The following CTSL variants were observed in gnomAD, a reference collection of about 807,000 sequenced individuals.
CTSL encodes cathepsin L.
CTSL carries 23 observed loss-of-function variants against 34.7 expected under a neutral mutation model. The ratio of observed to expected loss-of-function variants is 0.66; its 90% CI spans 0.48 to 0.94. CTSL has a LOEUF of 0.94. CTSL is among the 40% of genes least tolerant of loss of function. The pLI is 0.00. For missense variants in CTSL, 361 were observed against 406.3 expected, an observed-to-expected ratio of 0.89 and a Z score of 0.96; for synonymous variants, 129 against 136.7, an observed-to-expected ratio of 0.94 and a Z score of 0.39.
chr9:87,730,928 G>A lies in CTSL; in HGVS notation c.903-80G>A, dbSNP rs188760461. ...TGTTAAGTCTATGGCCTCTGGCACA[G>A]TGTTTAAGTTGGGTGTTCCTGTTAA... On this transcript the variant is annotated intron_variant, in intron 7 of 7. Coordinates refer to ENST00000343150, the MANE Select transcript of CTSL (RefSeq NM_001912.5). The A allele has an allele frequency of 2.4e-4, 269 of 1,112,286 alleles. 1 individual carries two copies. The Admixed American group carries it at 4.9e-3, about 20-fold the overall frequency. 68.9% of individuals were successfully genotyped at this position (1,112,286 alleles called of 1,614,324 possible). A position where few individuals can be genotyped will look rare whatever the true frequency, so the allele number is the denominator to read the frequency against.
In CTSL at chr9:87,731,027, A is replaced by G; in HGVS notation, c.922A>G (p.Met308Val). ...TTTCAGCTGGGGTGAAGAATGGGGC[A>G]TGGGTGGCTACGTAAAGATGGCCAA... ...VKNSWGEEWGMGGYVKMAKDR... is the reference protein window; with the variant it reads ...VKNSWGEEWGVGGYVKMAKDR... Residue 308 changes from methionine (M) to valine (V), a missense_variant, in exon 8 of 8, where the codon ATG (methionine) becomes GTG (valine). Coordinates refer to ENST00000343150, the MANE Select transcript of CTSL (RefSeq NM_001912.5). 6.2e-7 allele frequency: 1 copy of G among 1,613,896 alleles called. No individual in the cohort carries two copies. The highest frequency in any genetic ancestry group is 8.5e-7 in the Non-Finnish European group (1 of 1,179,846).
intron 7 of CTSL, among the ~76,000 whole-genome samples, chr9:87,730,719 C>G (rs781014449): frequency 6.6e-6 from 1 of 152,216 alleles, no homozygotes; most frequent in Non-Finnish European, 1.5e-5. Context: ...AAAGGTGTAT[C>G]TAAATCTGAA....
In CTSL at chr9:87,730,522, C is replaced by T. The variant is rs150169444; in HGVS notation, c.902+24C>T. Reference sequence around the variant, plus strand: ...AGGTATAAATTGCCAGAAATACTTACATTTGAAATTCAAAAGAGAATACTT... The same window carrying T: ...AGGTATAAATTGCCAGAAATACTTATATTTGAAATTCAAAAGAGAATACTT... On this transcript the variant is annotated intron_variant, in intron 7 of 7. Transcript: ENST00000343150. The T allele has an allele frequency of 8.3e-4, 1,238 of 1,484,692 alleles. 36 individuals carry two copies. The East Asian group carries it at 0.028, about 33-fold the overall frequency. The allele number at this position is 1,484,692 out of a possible 1,614,324, so 92.0% of individuals were successfully genotyped here.
chr9:87,727,911 T>C, intron 2 of CTSL, 116 bp from the exon 3 acceptor site: 8 of 1,478,174 alleles, frequency 5.4e-6, no homozygotes, highest in Non-Finnish European at 6.5e-6. Flanking sequence ...TCCCCAGAGG[T>C]GTCAAGCCTT....
At position 87,728,653 on chromosome 9, in the gene CTSL, T is replaced by TG. The variant is rs1431698339; in HGVS notation, c.468dup (p.Arg157GlufsTer7). ...TTGAAGGACAGATGTTCCGGAAAAC[T>TG]GGGAGGCTTATCTCACTGAGTGAGC... On this transcript the variant is annotated frameshift_variant, in exon 5 of 8. Transcript: ENST00000343150. LOFTEE classifies it high-confidence loss of function. 1.1e-5 allele frequency: 17 copies of TG among 1,614,134 alleles called. No homozygotes were observed. The highest frequency in any genetic ancestry group is 1.4e-5 in the Non-Finnish European group (16 of 1,180,026).
At chr9:87,729,801 G>T in intron 6 of CTSL, 66 bp downstream of exon 6, 1 of 1,486,808 alleles carries the variant, frequency 6.7e-7, no homozygotes, top group South Asian at 1.3e-5. Flanking sequence ...GAGCATGATA[G>T]ACTCTGGTTT....
chr9:87,726,169 C>T lies in CTSL; in HGVS notation c.-240C>T, dbSNP rs1825980937. 1 of 152,400 alleles carries T rather than the reference C, an allele frequency of 6.6e-6. No individual in the cohort carries two copies. Among genetic ancestry groups the T allele is most frequent in the Non-Finnish European group, 1.5e-5 (1 of 68,182 alleles). The allele number at this position is 152,400 out of a possible 1,614,324, so 9.4% of individuals were successfully genotyped here. A position where few individuals can be genotyped will look rare whatever the true frequency, so the allele number is the denominator to read the frequency against. ...GCGGCATCCGTGGAGTGCGCCTGCGCAGCTACGACCGCAGCAGGAAAGCGC... is the reference window on the plus strand; with the variant it reads ...GCGGCATCCGTGGAGTGCGCCTGCGTAGCTACGACCGCAGCAGGAAAGCGC... On this transcript the variant is annotated 5_prime_UTR_variant, in exon 1 of 8. Transcript: ENST00000343150.
chr9:87,730,812 C>T (rs7047814), intron 7 of CTSL, among the ~76,000 whole-genome samples, 196 bp from the exon 8 acceptor site: 3,068 of 152,242 alleles, frequency 0.02, 99 homozygotes, highest in African/African-American at 0.07. Flanking sequence ...TGTGAAAGGT[C>T]ACAGTTTGGA....
In CTSL at chr9:87,731,314, C is replaced by A. The variant is rs746307460; in HGVS notation, c.*207C>A. ...TATAAATAGGTTTATATTATTGATT[C>A]ACTTACTGACTTTGCATTTTCGTTT... On this transcript the variant is annotated 3_prime_UTR_variant, in exon 8 of 8. Transcript: ENST00000343150. The A allele has an allele frequency of 4.4e-5, 17 of 389,544 alleles. No individual in the cohort carries two copies. The highest frequency in any genetic ancestry group is 2.2e-4 in the Admixed American group (5 of 23,194). 24.1% of individuals were successfully genotyped at this position (389,544 alleles called of 1,614,324 possible).
At chr9:87,727,538 T>G in intron 1 of CTSL, 56 bp from the exon 2 acceptor site, 1 of 1,577,428 alleles carries the variant, frequency 6.3e-7, no homozygotes, top group Non-Finnish European at 8.6e-7. Context: ...CAGGGGGCAG[T>G]AAGATGGCTT....
At chr9:87,728,204 A>G in intron 3 of CTSL, 46 bp from the exon 4 acceptor site, 1 of 1,614,132 alleles carries the variant, frequency 6.2e-7, no homozygotes, top group Non-Finnish European at 8.5e-7. Flanking sequence ...GTTCTTTACT[A>G]AGGTAATCTC....
Position 87,730,442 on chromosome 9 carries a change from C to T in CTSL, c.846C>T (p.Gly282=). 1 of 1,613,126 alleles carries T rather than the reference C, an allele frequency of 6.2e-7. No homozygotes were observed. The highest frequency in any genetic ancestry group is 8.5e-7 in the Non-Finnish European group (1 of 1,179,646). Reference sequence around the variant, plus strand: ...TGGATCATGGTGTGCTGGTGGTTGGCTACGGATTTGAAAGCACAGAATCAG... The same window carrying T: ...TGGATCATGGTGTGCTGGTGGTTGGTTACGGATTTGAAAGCACAGAATCAG... ...EDMDHGVLVV[G]YGFESTESDN... The change falls in exon 7 of 8, where the codon GGC becomes GGT. Residue 282 remains glycine (G), a synonymous_variant. Coordinates refer to ENST00000343150, the MANE Select transcript of CTSL (RefSeq NM_001912.5).
chr9:87,730,497 A>G lies in CTSL; in HGVS notation c.901A>G (p.Ser301Gly). Reference protein sequence around the residue: ...DNNKYWLVKNSWGEEWGMGGY... With the variant: ...DNNKYWLVKNGWGEEWGMGGY... The stretch of plus-strand genomic sequence containing the variant: ...CAATAAATATTGGCTGGTGAAGAAC[A>G]GGTATAAATTGCCAGAAATACTTAC... Residue 301 changes from serine to glycine, a missense_variant and splice_region_variant, in exon 7 of 8, where the codon AGC becomes GGC. Coordinates refer to ENST00000343150, the MANE Select transcript of CTSL (RefSeq NM_001912.5). The G allele has an allele frequency of 6.3e-7, 1 of 1,588,052 alleles. No homozygotes were observed. The highest frequency in any genetic ancestry group is 8.6e-7 in the Non-Finnish European group (1 of 1,164,190).
At chr9:87,728,988 C>A in intron 5 of CTSL, 179 bp downstream of exon 5, 1 of 1,418,350 alleles carries the variant, frequency 7.1e-7, no homozygotes, top group East Asian at 2.5e-5. Flanking sequence ...GAGTTTGAGA[C>A]CAGCCTGGGC....
At chr9:87,727,497 T>G (rs1826064444) in intron 1 of CTSL, 97 bp from the exon 2 acceptor site, 1 of 1,230,304 alleles carries the variant, frequency 8.1e-7, no homozygotes, top group African/African-American at 1.5e-5. Context: ...AATTTAAATA[T>G]TTTTATTCTA....
chr9:87,730,575 C>A, intron 7 of CTSL, 77 bp downstream of exon 7: 2 of 993,538 alleles, frequency 2.0e-6, no homozygotes, highest in South Asian at 1.5e-5. Context: ...GGATACAGTT[C>A]CACATGCCCT....
intron 5 of CTSL, among the ~76,000 whole-genome samples, chr9:87,729,180 G>A (rs796360679): frequency 3.4e-5 from 5 of 145,858 alleles, no homozygotes; most frequent in African/African-American, 1.4e-4. Context: ...AAAAAAAAAA[G>A]TTCACATATT....
Position 87,728,013 on chromosome 9 carries a change from A to T in CTSL, c.127-14A>T. Reference sequence around the variant, plus strand: ...GGTAGAAGTAAAGAGCATCAGTTACATGTTTGCCTCTAGAATGAAGAAGGA... The same window carrying T: ...GGTAGAAGTAAAGAGCATCAGTTACTTGTTTGCCTCTAGAATGAAGAAGGA... On this transcript the variant is annotated splice_polypyrimidine_tract_variant and intron_variant, in intron 2 of 7. Coordinates refer to ENST00000343150, the MANE Select transcript of CTSL (RefSeq NM_001912.5). 6.2e-7 allele frequency: 1 copy of T among 1,613,110 alleles called. No homozygotes were observed. Among genetic ancestry groups the T allele is most frequent in the Non-Finnish European group, 8.5e-7 (1 of 1,179,868 alleles).
At chr9:87,728,482 G>A in intron 4 of CTSL, 86 bp downstream of exon 4, 2 of 1,570,976 alleles carry the variant, frequency 1.3e-6, no homozygotes, top group Non-Finnish European at 1.7e-6. Flanking sequence ...ACTTTAAAGT[G>A]ATGTACAGTT....
Sources: gnomAD v4.1 joint callset for allele counts (sites outside exome capture counted in the v4.1 genomes callset) on GRCh38, gnomAD v4.1.1 for gene constraint, MANE v1.5 for transcripts, NCBI Gene and HGNC (gene_info 2026-07-23, HGNC 2026-07-21) for gene names.